Variants in UGT8 observed in about 807,000 individuals in gnomAD.
UGT8 encodes UDP glycosyltransferase 8, also known as 2-hydroxyacylsphingosine 1-beta-galactosyltransferase.
Under a neutral mutation model 40.5 loss-of-function variants are expected in UGT8, and 12 were observed. The ratio of observed to expected loss-of-function variants is 0.30; its 90% CI spans 0.19 to 0.48. The LOEUF is 0.48. Among genes scored for constraint, UGT8 ranks in the 20% least tolerant of loss-of-function variants. The pLI, the probability that UGT8 is intolerant of heterozygous loss-of-function variation, is 0.99. For missense variants in UGT8, 513 were observed against 648.7 expected (o/e 0.79, Z 2.27); for synonymous variants, 224 against 240.4 (o/e 0.93, Z 0.63).
At chr4:114,635,000 C>T (rs1323112425) in intron 2 of UGT8, among the ~76,000 whole-genome samples, 2 of 150,788 alleles carry the variant, frequency 1.3e-5, no homozygotes, top group Non-Finnish European at 2.9e-5. Context: ...AGAAAAGGAT[C>T]AGTTTTACAA....
chr4:114,636,823 A>T (rs2126110307), intron 2 of UGT8, among the ~76,000 whole-genome samples: 1 of 152,276 alleles, frequency 6.6e-6, no homozygotes, highest in East Asian at 1.9e-4. Flanking sequence ...ATTGTGGCTC[A>T]GGCTCCAAAA....
At chr4:114,616,858 G>T (rs755112258) in intron 1 of UGT8, among the ~76,000 whole-genome samples, 1 of 152,148 alleles carries the variant, frequency 6.6e-6, no homozygotes, top group African/African-American at 2.4e-5. Flanking sequence ...GTATATTGGG[G>T]TGTTCCTGTA....
rs1731931319 is a variant in UGT8, at chr4:114,623,035, C to T, written c.155C>T (p.Thr52Ile). 4.3e-6 allele frequency: 7 copies of T among 1,614,140 alleles called. No homozygotes were observed. Among genetic ancestry groups the T allele is most frequent in the Non-Finnish European group, 5.9e-6 (7 of 1,180,006 alleles). The change falls in exon 2 of 6, where the codon ACA (threonine) becomes ATA (isoleucine). Residue 52 changes from threonine to isoleucine, a missense_variant. Coordinates refer to ENST00000310836, the MANE Select transcript of UGT8 (RefSeq NM_001128174.3). Reference sequence around the variant, plus strand: ...GCCTTGCACGAGAGAGGCCACCATACAGTGTTCCTCCTCTCTGAAGGCAGA... The same window carrying T: ...GCCTTGCACGAGAGAGGCCACCATATAGTGTTCCTCCTCTCTGAAGGCAGA... ...ASALHERGHH[T>I]VFLLSEGRDI...
In UGT8 at chr4:114,668,087, C is replaced by A. The variant is rs770333571; in HGVS notation, c.1045C>A (p.His349Asn). ...EWLPQNDLLG[H>N]SKIKAFLSHG... The stretch of plus-strand genomic sequence containing the variant: ...TTTTCTTTTTCATCTTTCTTCAGGG[C>A]ATTCAAAGATTAAAGCCTTCCTGAG... Residue 349 changes from histidine to asparagine, a missense_variant and splice_region_variant, in exon 5 of 6, where the codon CAT (histidine) becomes AAT (asparagine). By Grantham distance (68) the His-to-Asn change is moderately conservative. Around this residue, in one of 3 missense-constraint regions of UGT8, gnomAD observed 335 missense variants for 444.8 expected, o/e 0.75. Transcript: ENST00000310836. 18 of 1,612,828 alleles carry A rather than the reference C, an allele frequency of 1.1e-5. No individual in the cohort carries two copies. The African/African-American group carries it at 2.3e-4, about 20-fold the overall frequency.
chr4:114,607,926 A>G (rs1428035836), intron 1 of UGT8, among the ~76,000 whole-genome samples: 2 of 151,978 alleles, frequency 1.3e-5, no homozygotes, highest in African/African-American at 4.8e-5. Flanking sequence ...ACTGCCCACA[A>G]CCATCAGTCA....
intron 4 of UGT8, among the ~76,000 whole-genome samples, chr4:114,667,397 G>A (rs1049217020): frequency 6.6e-6 from 1 of 152,126 alleles, no homozygotes; most frequent in Non-Finnish European, 1.5e-5. Flanking sequence ...TTTACCAGGA[G>A]AGTAAATCTA....
intron 2 of UGT8, among the ~76,000 whole-genome samples, chr4:114,641,869 G>T (rs1733244387): frequency 6.6e-6 from 1 of 152,050 alleles, no homozygotes. Context: ...GGAAAAGTTG[G>T]TAGACATTAT....
chr4:114,663,644 C>G, intron 2 of UGT8: 2 of 973,072 alleles, frequency 2.1e-6, no homozygotes, highest in Non-Finnish European at 2.4e-6. Context: ...TATGTTTAAT[C>G]CACATCTTTT....
At chr4:114,653,352 T>G (rs1200571328) in intron 2 of UGT8, among the ~76,000 whole-genome samples, 1 of 152,082 alleles carries the variant, frequency 6.6e-6, no homozygotes, top group African/African-American at 2.4e-5. Context: ...ACTAGGCATT[T>G]AAGAGAAGCT....
intron 1 of UGT8, among the ~76,000 whole-genome samples, chr4:114,621,908 T>C (rs907743594): frequency 3.9e-5 from 6 of 152,158 alleles, no homozygotes; most frequent in African/African-American, 7.2e-5. Context: ...TAATTTTTAA[T>C]AGTGATTTTT....
intron 1 of UGT8, among the ~76,000 whole-genome samples, chr4:114,610,189 T>C (rs78430298): frequency 0.013 from 1,984 of 152,298 alleles, 31 homozygotes; most frequent in African/African-American, 0.036. Context: ...GAAACCTGAA[T>C]GCTGGTTCCG....
At chr4:114,648,738 C>G (rs1006647145) in intron 2 of UGT8, among the ~76,000 whole-genome samples, 4 of 152,060 alleles carry the variant, frequency 2.6e-5, no homozygotes, top group Admixed American at 2.0e-4. Context: ...CATTGTTTGT[C>G]CCTTCAAATA....
intron 5 of UGT8, among the ~76,000 whole-genome samples, chr4:114,675,210 T>C (rs1256894333): frequency 1.3e-5 from 2 of 152,174 alleles, no homozygotes; most frequent in Non-Finnish European, 2.9e-5. Context: ...GTTCTGTATC[T>C]TTTTCTCCAT....
chr4:114,659,573 A>G (rs943510837), intron 2 of UGT8, among the ~76,000 whole-genome samples: 1 of 152,170 alleles, frequency 6.6e-6, no homozygotes, highest in Non-Finnish European at 1.5e-5. Context: ...ATGTCGCTCC[A>G]TTCCTGTCCT....
At chr4:114,603,072 C>T (rs1007753830) in intron 1 of UGT8, among the ~76,000 whole-genome samples, 7 of 151,948 alleles carry the variant, frequency 4.6e-5, no homozygotes, top group African/African-American at 1.2e-4. Context: ...TTGGTTACAA[C>T]GATATTCAGG....
intron 4 of UGT8, among the ~76,000 whole-genome samples, chr4:114,666,823 T>G (rs999174653): frequency 4.6e-5 from 7 of 152,152 alleles, no homozygotes; most frequent in African/African-American, 1.7e-4. Context: ...CTTCTCAGTG[T>G]GAGAACTCTG....
At chr4:114,646,106 A>G (rs1274736514) in intron 2 of UGT8, among the ~76,000 whole-genome samples, 1 of 152,090 alleles carries the variant, frequency 6.6e-6, no homozygotes. Context: ...ATATACTTAG[A>G]TATACTGTTT....
intron 1 of UGT8, among the ~76,000 whole-genome samples, chr4:114,615,686 C>G (rs185601376): frequency 3.9e-5 from 6 of 152,266 alleles, no homozygotes; most frequent in Admixed American, 2.0e-4. Context: ...TGTCTCATTC[C>G]AGCTGGCAGG....
chr4:114,607,831 G>A (rs1730824105), intron 1 of UGT8, among the ~76,000 whole-genome samples: 1 of 152,022 alleles, frequency 6.6e-6, no homozygotes, highest in South Asian at 2.1e-4. Context: ...ACCTCCTGAT[G>A]TCTTGGTGTA....
Sources: allele counts gnomAD v4.1 joint callset (sites outside exome capture counted in the v4.1 genomes callset), GRCh38; gene constraint gnomAD v4.1.1; regional missense constraint gnomAD v4.1.1; transcripts MANE v1.5; gene names NCBI Gene and HGNC (gene_info 2026-07-23, HGNC 2026-07-21).